The following TEX9 variants were observed in gnomAD, a reference collection of about 807,000 sequenced individuals.
TEX9 encodes the protein testis expressed 9, also known as testis-expressed protein 9.
Under a neutral mutation model 59.6 loss-of-function variants are expected in TEX9, and 74 were observed. That is an observed-to-expected ratio of 1.24 (90% CI 1.03 to 1.51). The LOEUF (loss-of-function observed/expected upper bound fraction) is 1.51, where lower values mean the gene tolerates loss of function less well. Among genes scored for constraint, TEX9 ranks in the 40% most tolerant of loss-of-function variants. TEX9 has a pLI of 0.00. For synonymous variants in TEX9, 186 were observed against 152.2 expected (o/e 1.22, Z -1.64); for missense variants, 522 against 447.8 (o/e 1.17, Z -1.49).
intron 1 of TEX9, among the ~76,000 whole-genome samples, chr15:56,354,199 T>C (rs2046640695): frequency 6.6e-6 from 1 of 152,240 alleles, no homozygotes; most frequent in African/African-American, 2.4e-5. Context: ...ATTACATTAA[T>C]ACTCAGATGT....
At chr15:56,366,028 C>A in intron 2 of TEX9, 1 of 519,080 alleles carries the variant, frequency 1.9e-6, no homozygotes, top group Non-Finnish European at 2.7e-6. Flanking sequence ...ATATCAAGTT[C>A]ATAGAGTTTA....
intron 2 of TEX9, among the ~76,000 whole-genome samples, chr15:56,371,551 T>TC (rs1466166034): frequency 2.6e-5 from 4 of 152,186 alleles, no homozygotes; most frequent in African/African-American, 9.6e-5. Context: ...TTCCCTTTCC[T>TC]CACATCTGCT....
chr15:56,451,652 G>C, the TEX9 span, among the ~76,000 whole-genome samples: 1 of 152,110 alleles, frequency 6.6e-6, no homozygotes, highest in Admixed American at 6.5e-5. Flanking sequence ...ATTATAGACA[G>C]TCTCTGATTA....
intron 10 of TEX9, among the ~76,000 whole-genome samples, chr15:56,422,780 ACT>A (rs2050045841): frequency 6.6e-6 from 1 of 151,556 alleles, no homozygotes; most frequent in Non-Finnish European, 1.5e-5. Flanking sequence ...AAAAACTGAA[ACT>A]CTCTACCAAT....
intron 12 of TEX9, among the ~76,000 whole-genome samples, chr15:56,436,281 T>A (rs1037237829): frequency 1.5e-4 from 23 of 152,118 alleles, no homozygotes; most frequent in Non-Finnish European, 3.4e-4. Context: ...GCAATCAAAC[T>A]AGAACTCAGG....
At chr15:56,362,115 A>G (rs2046801447), upstream of TEX9, among the ~76,000 whole-genome samples, 1 of 152,208 alleles carries the variant, frequency 6.6e-6, no homozygotes. Flanking sequence ...ACCTTGAGAA[A>G]AATGTGTATT....
intron 9 of TEX9, among the ~76,000 whole-genome samples, chr15:56,399,066 C>T (rs1297717272): frequency 2.0e-5 from 3 of 152,220 alleles, no homozygotes; most frequent in African/African-American, 4.8e-5. Flanking sequence ...GTGATTTCTG[C>T]ATTTCCAACT....
At chr15:56,362,678 C>A (rs1216909112), upstream of TEX9, among the ~76,000 whole-genome samples, 1 of 152,162 alleles carries the variant, frequency 6.6e-6, no homozygotes, top group Non-Finnish European at 1.5e-5. Context: ...CTAGCGCCCC[C>A]CAAACCCTGC....
intron 4 of TEX9, 82 bp downstream of exon 4, chr15:56,384,113 A>T: frequency 9.1e-7 from 1 of 1,099,262 alleles, no homozygotes; most frequent in Non-Finnish European, 1.3e-6. Flanking sequence ...GCATGCAAAC[A>T]TTGAAAAATC....
At chr15:56,294,633 A>C (rs868162188) in intron 1 of TEX9, among the ~76,000 whole-genome samples, 1 of 152,178 alleles carries the variant, frequency 6.6e-6, no homozygotes, top group Non-Finnish European at 1.5e-5. Context: ...TTTTCATTTA[A>C]ATTTTTATAA....
At chr15:56,431,250 C>G in intron 12 of TEX9, 1 of 1,078,954 alleles carries the variant, frequency 9.3e-7, no homozygotes, top group Non-Finnish European at 1.3e-6. Flanking sequence ...ACAGGAGGAT[C>G]CCATTGCTGC....
chr15:56,409,601 A>G (rs1484646656), intron 9 of TEX9, among the ~76,000 whole-genome samples: 3 of 152,136 alleles, frequency 2.0e-5, no homozygotes, highest in Non-Finnish European at 4.4e-5. Context: ...CCCCAGCTCA[A>G]GCAATCCTTC....
exon 2 of TEX9, chr15:56,365,582 A>C (rs1419143740): frequency 3.1e-6 from 5 of 1,614,070 alleles, no homozygotes; most frequent in African/African-American, 1.3e-5. Context: ...TTTACAGAGA[A>C]GCAGCGTTCC....
At chr15:56,445,581 T>C (rs1227418618) in intron 12 of TEX9, 2 of 152,046 alleles carry the variant, frequency 1.3e-5, no homozygotes, top group African/African-American at 4.8e-5. Context: ...GTACATGCTA[T>C]ACTAAATTCT....
intron 1 of TEX9, among the ~76,000 whole-genome samples, chr15:56,286,958 T>TA (rs1340029588): frequency 6.6e-6 from 1 of 152,130 alleles, no homozygotes; most frequent in African/African-American, 2.4e-5. Flanking sequence ...CCCCTTCCTA[T>TA]AGTCAGGGGA....
At chr15:56,289,567 G>T (rs955632295) in intron 1 of TEX9, among the ~76,000 whole-genome samples, 1 of 152,184 alleles carries the variant, frequency 6.6e-6, no homozygotes, top group African/African-American at 2.4e-5. Flanking sequence ...GGCAGTGAGG[G>T]TTGCTCAGTT....
At chr15:56,264,323 G>A (rs1347389504) in intron 1 of TEX9, among the ~76,000 whole-genome samples, 1 of 152,106 alleles carries the variant, frequency 6.6e-6, no homozygotes, top group Non-Finnish European at 1.5e-5. Context: ...ATTTCCCCAA[G>A]CACTACTAAT....
intron 1 of TEX9, among the ~76,000 whole-genome samples, chr15:56,244,797 C>A (rs2043805281): frequency 6.6e-6 from 1 of 151,526 alleles, no homozygotes; most frequent in African/African-American, 2.4e-5. Context: ...CACCCGCCCT[C>A]CCCCCGCAGA....
chr15:56,308,758 T>G (rs1458602688), intron 1 of TEX9, among the ~76,000 whole-genome samples: 2 of 152,170 alleles, frequency 1.3e-5, no homozygotes, highest in African/African-American at 4.8e-5. Context: ...CCAACTTCAT[T>G]TTTTGTATAA....
Sources: allele counts gnomAD v4.1 joint callset (sites outside exome capture counted in the v4.1 genomes callset), GRCh38; gene constraint gnomAD v4.1.1; transcripts MANE v1.5; gene names NCBI Gene and HGNC (gene_info 2026-07-23, HGNC 2026-07-21).